Variants in PPP1R9A observed in about 807,000 individuals in gnomAD.
PPP1R9A encodes the protein neurabin-1.
In PPP1R9A, 59 loss-of-function variants were observed where a neutral mutation model predicts 141.9. The ratio of observed to expected loss-of-function variants is 0.42; its 90% CI spans 0.34 to 0.52. The LOEUF is 0.52. PPP1R9A is among the 20% of genes least tolerant of loss of function. The probability of loss-of-function intolerance (pLI) is 0.10; values close to 1 mark genes in which losing one functional copy is unlikely to be tolerated. For missense variants in PPP1R9A, 1,444 were observed against 1,611.9 expected (o/e 0.90, Z 1.78); for synonymous variants, 500 against 569.7 (o/e 0.88, Z 1.74).
rs1791345882 is a variant in PPP1R9A, at chr7:94,910,625, C to T, written c.512C>T (p.Pro171Leu). ...AAAGAGAAAGCTGGAGGGAGTGAAC[C>T]TCAGGATGAATGGGGAGGTTCCAAG... ...PKKEKAGGSE[P>L]QDEWGGSKSN... is the part of the protein sequence containing the mutation. The change falls in exon 2 of 20, where the codon CCT (proline) becomes CTT (leucine). Residue 171 changes from proline (P) to leucine (L), a missense_variant. Physicochemically the swap from Pro to Leu is moderately conservative, Grantham distance 98. Around this residue, in one of 5 missense-constraint regions of PPP1R9A, gnomAD observed 490 missense variants for 521.1 expected, o/e 0.94. Transcript: ENST00000433360. This position sits in a 1 kb window ranked among gnomAD's most constrained non-coding sequence, Gnocchi z 4.5. The T allele has an allele frequency of 6.2e-7, 1 of 1,613,992 alleles. No homozygotes were observed. Among genetic ancestry groups the T allele is most frequent in the African/African-American group, 1.3e-5 (1 of 74,894 alleles).
intron 5 of PPP1R9A, among the ~76,000 whole-genome samples, chr7:95,162,286 T>G (rs990468534): frequency 5.3e-5 from 8 of 152,202 alleles, no homozygotes; most frequent in Non-Finnish European, 1.2e-4. Context: ...CCCAAATCTT[T>G]TTAAGGAAAA....
chr7:95,280,713 A>G (rs142525914), intron 16 of PPP1R9A, among the ~76,000 whole-genome samples: 126 of 152,304 alleles, frequency 8.3e-4, no homozygotes, highest in Non-Finnish European at 1.4e-3. Flanking sequence ...TAGACTATCT[A>G]CCTATTTTGA....
chr7:95,121,533 C>T lies in PPP1R9A; in HGVS notation c.1649+701C>T, dbSNP rs193149247. On this transcript the variant is annotated intron_variant, in intron 4 of 19. Coordinates refer to ENST00000433360, the MANE Select transcript of PPP1R9A (RefSeq NM_001166160.2). ...TCTTAGGCGAAGATTTTGATTAACCCTCATACTTGGCTCTGATATATCAGG... is the reference window on the plus strand; with the variant it reads ...TCTTAGGCGAAGATTTTGATTAACCTTCATACTTGGCTCTGATATATCAGG... 1.5e-3 allele frequency among the ~76,000 whole-genome samples: 232 copies of T among 151,874 alleles called. 2 individuals carry two copies. The highest frequency in any genetic ancestry group is 6.8e-3 in the Middle Eastern group (2 of 294).
At chr7:94,995,309 G>A (rs2151466012) in intron 2 of PPP1R9A, among the ~76,000 whole-genome samples, 1 of 152,004 alleles carries the variant, frequency 6.6e-6, no homozygotes, top group East Asian at 1.9e-4. Flanking sequence ...TCATGCTTGG[G>A]TTTTGTTGAG....
chr7:95,094,414 C>G lies in PPP1R9A; in HGVS notation c.1396-16845C>G, dbSNP rs182256470. ...TAAATTCATTCTCTCTCCTCTGTCA[C>G]TCTACTCCATCCCGTCTTCCAGTGC... On this transcript the variant is annotated intron_variant, in intron 2 of 19. Transcript: ENST00000433360. Among the ~76,000 whole-genome samples the G allele has an allele frequency of 1.5e-3, 221 of 152,320 alleles. 2 individuals are homozygous for G. The highest frequency in any genetic ancestry group is 4.7e-3 in the African/African-American group (196 of 41,564).
intron 2 of PPP1R9A, among the ~76,000 whole-genome samples, chr7:94,939,098 G>T (rs113957680): frequency 9.1e-4 from 139 of 152,272 alleles, no homozygotes; most frequent in Non-Finnish European, 1.5e-3. Flanking sequence ...CACTGAGAAG[G>T]ATGATGGATT....
At chr7:95,062,747 A>G (rs1244641522) in intron 2 of PPP1R9A, among the ~76,000 whole-genome samples, 2 of 151,460 alleles carry the variant, frequency 1.3e-5, no homozygotes, top group Non-Finnish European at 2.9e-5. Context: ...ATAAAACTAT[A>G]CTTTTTCTTT....
chr7:95,173,230 T>C (rs1404785066), intron 5 of PPP1R9A, among the ~76,000 whole-genome samples: 1 of 151,860 alleles, frequency 6.6e-6, no homozygotes, highest in Admixed American at 6.6e-5. Context: ...TGGGTATCCA[T>C]GGACATACAG....
At chr7:95,044,753 A>G (rs2151939613) in intron 2 of PPP1R9A, among the ~76,000 whole-genome samples, 1 of 148,872 alleles carries the variant, frequency 6.7e-6, no homozygotes, top group East Asian at 2.0e-4. Context: ...ATTTTTTTGT[A>G]GAGATGGAGG....
intron 7 of PPP1R9A, among the ~76,000 whole-genome samples, chr7:95,215,420 C>T (rs1329933358): frequency 6.6e-6 from 1 of 152,002 alleles, no homozygotes; most frequent in Non-Finnish European, 1.5e-5. Context: ...TGAATAGTGC[C>T]ACAATAAACA....
intron 7 of PPP1R9A, among the ~76,000 whole-genome samples, chr7:95,210,050 C>T (rs766703846): frequency 6.6e-6 from 1 of 152,058 alleles, no homozygotes; most frequent in Non-Finnish European, 1.5e-5. Context: ...TTTGGTCTGT[C>T]GACCGTTTAG....
intron 5 of PPP1R9A, among the ~76,000 whole-genome samples, chr7:95,187,650 C>T (rs1232987706): frequency 6.6e-6 from 1 of 152,110 alleles, no homozygotes; most frequent in Non-Finnish European, 1.5e-5. Context: ...ATGCTATGAA[C>T]TTTCCTCCTA....
intron 7 of PPP1R9A, among the ~76,000 whole-genome samples, chr7:95,208,968 A>AAAAAAAAAAAAAAC (rs1791486237): frequency 1.3e-5 from 2 of 148,472 alleles, no homozygotes; most frequent in East Asian, 2.0e-4. Context: ...AAAAAAAAAA[A>AAAAAAAAAAAAAAC]AAAAAAAAAA....
chr7:95,230,186 C>T (rs1795725886), intron 8 of PPP1R9A, among the ~76,000 whole-genome samples: 1 of 152,130 alleles, frequency 6.6e-6, no homozygotes, highest in African/African-American at 2.4e-5. Flanking sequence ...CCCAGATCTT[C>T]CCTCTGATGT....
chr7:94,947,455 T>C (rs1796016637), intron 2 of PPP1R9A, among the ~76,000 whole-genome samples: 1 of 152,132 alleles, frequency 6.6e-6, no homozygotes, highest in South Asian at 2.1e-4. Flanking sequence ...CAGAGCCGTA[T>C]GTGGCATTTT....
chr7:95,022,750 T>C (rs1446530534), intron 2 of PPP1R9A, among the ~76,000 whole-genome samples: 1 of 152,206 alleles, frequency 6.6e-6, no homozygotes, highest in African/African-American at 2.4e-5. Context: ...GTGGTTTTTT[T>C]CATTGGTTCT....
At chr7:95,196,937 A>T (rs1238079558) in intron 5 of PPP1R9A, among the ~76,000 whole-genome samples, 1 of 152,194 alleles carries the variant, frequency 6.6e-6, no homozygotes, top group Non-Finnish European at 1.5e-5. Context: ...AAAAGGTAGT[A>T]TTTATAAATT....
intron 9 of PPP1R9A, among the ~76,000 whole-genome samples, chr7:95,248,826 T>C (rs935342940): frequency 4.6e-5 from 7 of 152,196 alleles, no homozygotes; most frequent in African/African-American, 1.7e-4. Flanking sequence ...CTTGACATTG[T>C]TTTGGATGCT....
At chr7:95,279,636 A>G (rs1476389991) in intron 16 of PPP1R9A, among the ~76,000 whole-genome samples, 3 of 152,162 alleles carry the variant, frequency 2.0e-5, no homozygotes, top group African/African-American at 4.8e-5. Flanking sequence ...TGAAAATCTA[A>G]TAAGTTACTG....
Sources: gnomAD v4.1 joint callset for allele counts (sites outside exome capture counted in the v4.1 genomes callset) on GRCh38, gnomAD v4.1.1 for gene constraint, gnomAD v4.1.1 regional missense constraint, Gnocchi (gnomAD v3.1) non-coding constraint, MANE v1.5 for transcripts, NCBI Gene and HGNC (gene_info 2026-07-23, HGNC 2026-07-21) for gene names.